The following TIMP2 variants were observed in gnomAD, a reference collection of about 807,000 sequenced individuals.
TIMP2 encodes the protein metalloproteinase inhibitor 2.
In TIMP2, 5 loss-of-function variants were observed where a neutral mutation model predicts 24.3. That is an observed-to-expected ratio of 0.21 (90% CI 0.11 to 0.43). The LOEUF (loss-of-function observed/expected upper bound fraction) is 0.43, where lower values mean the gene tolerates loss of function less well. Ranked by LOEUF, TIMP2 falls within the 20% of genes least tolerant of loss-of-function variation. The pLI, the probability that TIMP2 is intolerant of heterozygous loss-of-function variation, is 1.00. For synonymous variants in TIMP2, 130 were observed against 123.2 expected, an observed-to-expected ratio of 1.06 and a Z score of -0.37; for missense variants, 221 against 297.5, an observed-to-expected ratio of 0.74 and a Z score of 1.89.
intron 1 of TIMP2, among the ~76,000 whole-genome samples, chr17:78,882,907 G>A (rs1423995142): frequency 6.6e-6 from 1 of 152,262 alleles, no homozygotes; most frequent in Non-Finnish European, 1.5e-5. Flanking sequence ...TGGGCAGTCA[G>A]AGGGTCTCCC....
At chr17:78,892,139 T>C in intron 1 of TIMP2, 1 of 1,550,920 alleles carries the variant, frequency 6.4e-7, no homozygotes, top group Non-Finnish European at 8.7e-7. Flanking sequence ...GTGCAGGTGC[T>C]GTGCCTCCTG....
In TIMP2 at chr17:78,924,135, C is replaced by T. The variant is rs1201852596; in HGVS notation, c.130+824G>A. 1.3e-5 allele frequency among the ~76,000 whole-genome samples: 2 copies of T among 152,204 alleles called. No homozygotes were observed. Among genetic ancestry groups the T allele is most frequent in the Non-Finnish European group, 2.9e-5 (2 of 68,024 alleles). The stretch of plus-strand genomic sequence containing the variant: ...GGTCCTCCCCCTCCATGGATCAGAA[C>T]AAATAACTGGGCCCCTCCTGCCTCC... On this transcript the variant is annotated intron_variant, in intron 1 of 4. Transcript: ENST00000262768. The surrounding 1 kb of genome is among the most constrained non-coding windows in gnomAD (Gnocchi z 5.3).
intron 1 of TIMP2, among the ~76,000 whole-genome samples, chr17:78,878,518 C>G (rs987419989): frequency 1.3e-5 from 2 of 152,218 alleles, no homozygotes; most frequent in African/African-American, 4.8e-5. Context: ...GTACACAGAC[C>G]CGGTCCTGGT....
chr17:78,872,145 T>G (rs1205733088), intron 2 of TIMP2, among the ~76,000 whole-genome samples: 3 of 151,342 alleles, frequency 2.0e-5, no homozygotes, highest in Non-Finnish European at 2.9e-5. Context: ...CATGCCACCA[T>G]GCTTGGCTTT....
chr17:78,901,701 A>G (rs1210617733), intron 1 of TIMP2: 8 of 716,536 alleles, frequency 1.1e-5, no homozygotes, highest in Non-Finnish European at 1.3e-5. Context: ...GATGATAACA[A>G]CAGCAGCACC....
At chr17:78,877,300 C>T (rs551816589) in intron 1 of TIMP2, among the ~76,000 whole-genome samples, 1 of 152,242 alleles carries the variant, frequency 6.6e-6, no homozygotes, top group Admixed American at 6.5e-5. Context: ...AAACCAGGGC[C>T]AGGCACGGTG....
rs1003485699 is a variant in TIMP2, at chr17:78,854,829, G to C, written c.*838C>G. 2 of 151,968 alleles carry C rather than the reference G, an allele frequency of 1.3e-5. No homozygotes were observed. Among genetic ancestry groups the C allele is most frequent in the African/African-American group, 4.9e-5 (2 of 41,226 alleles). The allele number at this position is 151,968 out of a possible 1,614,324, so 9.4% of individuals were successfully genotyped here. A position where few individuals can be genotyped will look rare whatever the true frequency, so the allele number is the denominator to read the frequency against. ...GAAGCAATGGCAACCGCAGCAGCTA[G>C]GGAAGGGACCTTGAGGGCAGCCACC... On this transcript the variant is annotated 3_prime_UTR_variant, in exon 5 of 5. Transcript: ENST00000262768.
Position 78,857,629 on chromosome 17 carries a change from C to A in TIMP2, c.358G>T (p.Gly120Cys). Residue 120 changes from glycine to cysteine, a missense_variant, in exon 4 of 5, where the codon GGC becomes TGC. Coordinates refer to ENST00000262768, the MANE Select transcript of TIMP2 (RefSeq NM_003255.5). ...YLIAGKAEGDGKMHITLCDFI... is the reference protein window; with the variant it reads ...YLIAGKAEGDCKMHITLCDFI... The stretch of plus-strand genomic sequence containing the variant: ...TCACAGAGGGTGATGTGCATCTTGC[C>A]GTCCCCCTCGGCCTTTCCTGCGGAG... The A allele has an allele frequency of 6.2e-7, 1 of 1,614,168 alleles. No homozygotes were observed. Among genetic ancestry groups the A allele is most frequent in the Non-Finnish European group, 8.5e-7 (1 of 1,180,022 alleles).
At chr17:78,916,465 C>T (rs1349341563) in intron 1 of TIMP2, among the ~76,000 whole-genome samples, 1 of 152,182 alleles carries the variant, frequency 6.6e-6, no homozygotes, top group Non-Finnish European at 1.5e-5. Context: ...CAACAGAGAC[C>T]TCTACCCGCC....
At chr17:78,886,851 A>G (rs1271325211) in intron 1 of TIMP2, among the ~76,000 whole-genome samples, 1 of 152,034 alleles carries the variant, frequency 6.6e-6, no homozygotes, top group Non-Finnish European at 1.5e-5. Context: ...CAGCCTCCCT[A>G]GTAGCTGGAA....
intron 1 of TIMP2, among the ~76,000 whole-genome samples, chr17:78,878,431 G>A (rs979274952): frequency 2.0e-5 from 3 of 152,142 alleles, no homozygotes; most frequent in Admixed American, 6.5e-5. Context: ...AGGACCACGA[G>A]CATCGCATAG....
chr17:78,871,971 T>C (rs1367262136), intron 2 of TIMP2, among the ~76,000 whole-genome samples: 1 of 151,946 alleles, frequency 6.6e-6, no homozygotes, highest in African/African-American at 2.4e-5. Flanking sequence ...TCCACGTGAC[T>C]CTGGACCACC....
chr17:78,915,154 C>A (rs2145794549), intron 1 of TIMP2, among the ~76,000 whole-genome samples: 1 of 152,250 alleles, frequency 6.6e-6, no homozygotes, highest in South Asian at 2.1e-4. Flanking sequence ...ACCTCAGCCT[C>A]CCAAAGTGCT....
At chr17:78,907,338 A>C (rs1239349128) in intron 1 of TIMP2, among the ~76,000 whole-genome samples, 1 of 152,166 alleles carries the variant, frequency 6.6e-6, no homozygotes, top group African/African-American at 2.4e-5. Context: ...GCCCAGTCCC[A>C]TTATAGGGTA....
intron 1 of TIMP2, among the ~76,000 whole-genome samples, chr17:78,919,316 A>G (rs907036270): frequency 2.0e-5 from 3 of 152,078 alleles, no homozygotes; most frequent in Non-Finnish European, 2.9e-5. Context: ...TTTGGCCCCA[A>G]TCTCCTTGTG....
intron 3 of TIMP2, among the ~76,000 whole-genome samples, chr17:78,861,594 T>C (rs1487488446): frequency 6.6e-6 from 1 of 151,914 alleles, no homozygotes; most frequent in Non-Finnish European, 1.5e-5. Flanking sequence ...GAAGTGAAAA[T>C]TGTATTTTTT....
At chr17:78,894,495 TC>T (rs2069967403) in intron 1 of TIMP2, among the ~76,000 whole-genome samples, 1 of 152,156 alleles carries the variant, frequency 6.6e-6, no homozygotes, top group Non-Finnish European at 1.5e-5. Context: ...GCTGGGCCCT[TC>T]AATGCAATGA....
At chr17:78,903,462 G>T (rs754967673) in intron 1 of TIMP2, among the ~76,000 whole-genome samples, 14 of 152,198 alleles carry the variant, frequency 9.2e-5, no homozygotes, top group Non-Finnish European at 1.9e-4. Context: ...CCAGCTGGCT[G>T]CATGGAGACC....
rs756676057 is a variant in TIMP2, at chr17:78,891,875, G to A, written c.131-17956C>T. On this transcript the variant is annotated intron_variant, in intron 1 of 4. Transcript: ENST00000262768. This position sits in a 1 kb window ranked among gnomAD's most constrained non-coding sequence, Gnocchi z 4.5. Reference sequence around the variant, plus strand: ...GGCCAGGTGAGAATTCATCCGACCCGTGGCTTTTGTAGTCTGTGGTTTCTC... The same window carrying A: ...GGCCAGGTGAGAATTCATCCGACCCATGGCTTTTGTAGTCTGTGGTTTCTC... 2.1e-5 allele frequency: 33 copies of A among 1,550,518 alleles called. No homozygotes were observed. The highest frequency in any genetic ancestry group is 1.7e-4 in the Middle Eastern group (1 of 6,014).
Sources: allele counts gnomAD v4.1 joint callset (sites outside exome capture counted in the v4.1 genomes callset), GRCh38; gene constraint gnomAD v4.1.1; non-coding constraint Gnocchi (gnomAD v3.1); transcripts MANE v1.5; gene names NCBI Gene and HGNC (gene_info 2026-07-23, HGNC 2026-07-21).